EXOC6B: variants seen among roughly 807,000 people sequenced by gnomAD.
EXOC6B encodes SEC15 homolog B.
A neutral mutation model predicts 113.5 loss-of-function variants in EXOC6B; 54 were observed. The ratio of observed to expected loss-of-function variants is 0.48; its 90% confidence interval spans 0.38 to 0.60. The LOEUF is 0.60. Among genes scored for constraint, EXOC6B ranks in the 20% least tolerant of loss-of-function variants. The pLI, the probability that EXOC6B is intolerant of heterozygous loss-of-function variation, is 0.00. For synonymous variants in EXOC6B, 357 were observed against 339.0 expected (o/e 1.05, Z -0.58); for missense variants, 797 against 977.5 (o/e 0.82, Z 2.46).
rs147596387 is a variant in EXOC6B, at chr2:72,773,100, G to A, written c.114-31631C>T. On this transcript the variant is annotated intron_variant, in intron 1 of 21. Coordinates refer to ENST00000272427, the MANE Select transcript of EXOC6B (RefSeq NM_015189.3). ...ATATTGTATAATTTAAATTTGCTAA[G>A]ACAGTAGACCTTAGATTTTCTTTTT... is the stretch of plus-strand genomic sequence containing the variant. Among the ~76,000 whole-genome samples, 18 of 143,604 alleles carry A rather than the reference G, an allele frequency of 1.3e-4. No individual in the cohort carries two copies. The East Asian group carries it at 3.4e-3, about 27-fold the overall frequency. 94.2% of individuals were successfully genotyped at this position (143,604 alleles called of 152,430 possible). A position where few individuals can be genotyped will look rare whatever the true frequency, so the allele number is the denominator to read the frequency against.
At chr2:72,646,538 T>A (rs1420432439) in intron 6 of EXOC6B, among the ~76,000 whole-genome samples, 1 of 152,214 alleles carries the variant, frequency 6.6e-6, no homozygotes, top group Non-Finnish European at 1.5e-5. Flanking sequence ...TGAACATCGA[T>A]GCGAAAATCC....
intron 20 of EXOC6B, among the ~76,000 whole-genome samples, chr2:72,237,526 G>C (rs1471719278): frequency 3.3e-5 from 5 of 152,084 alleles, no homozygotes; most frequent in African/African-American, 1.2e-4. Context: ...AAAGAAAACT[G>C]ACTATAAATG....
chr2:72,553,898 A>G (rs1703383953), intron 8 of EXOC6B, among the ~76,000 whole-genome samples: 1 of 152,194 alleles, frequency 6.6e-6, no homozygotes, highest in Non-Finnish European at 1.5e-5. Context: ...TATTGGAGCA[A>G]CATGAATTCT....
intron 14 of EXOC6B, 133 bp downstream of exon 14, chr2:72,496,321 A>C (rs904275754): frequency 1.7e-6 from 1 of 577,084 alleles, no homozygotes; most frequent in Non-Finnish European, 3.1e-6. Flanking sequence ...AAAAGAAAAA[A>C]GAATCCTTTG....
At chr2:72,730,135 G>GA (rs1265718306) in intron 5 of EXOC6B, among the ~76,000 whole-genome samples, 1 of 152,054 alleles carries the variant, frequency 6.6e-6, no homozygotes, top group Non-Finnish European at 1.5e-5. Context: ...TCCTTTAGAA[G>GA]AAAACAACAT....
chr2:72,345,881 C>T (rs971347134), intron 19 of EXOC6B, among the ~76,000 whole-genome samples: 1 of 152,080 alleles, frequency 6.6e-6, no homozygotes, highest in African/African-American at 2.4e-5. Context: ...ATAAATGTGC[C>T]ACTCTCGTGC....
At chr2:72,483,470 A>G (rs1270833684) in intron 16 of EXOC6B, among the ~76,000 whole-genome samples, 3 of 152,164 alleles carry the variant, frequency 2.0e-5, no homozygotes, top group Non-Finnish European at 4.4e-5. Flanking sequence ...CAGTTAAAGA[A>G]AAAAAAGGGA....
chr2:72,716,764 G>C (rs1007905332), intron 6 of EXOC6B, among the ~76,000 whole-genome samples: 3 of 152,004 alleles, frequency 2.0e-5, no homozygotes, highest in Non-Finnish European at 4.4e-5. Context: ...AGACCAGCTG[G>C]CCTCACGTTA....
chr2:72,486,124 C>T (rs1025479825), intron 16 of EXOC6B, among the ~76,000 whole-genome samples: 1 of 152,054 alleles, frequency 6.6e-6, no homozygotes, highest in Non-Finnish European at 1.5e-5. Flanking sequence ...AATCCCAGCA[C>T]TTTGGGAGGC....
chr2:72,307,193 G>T (rs1381957966), intron 20 of EXOC6B, among the ~76,000 whole-genome samples: 1 of 101,680 alleles, frequency 9.8e-6, no homozygotes, highest in African/African-American at 1.2e-4. Context: ...GTCTTGCTCT[G>T]TCGCCAGGCT....
intron 1 of EXOC6B, among the ~76,000 whole-genome samples, chr2:72,803,105 T>A (rs752769873): frequency 6.6e-6 from 1 of 152,114 alleles, no homozygotes; most frequent in Admixed American, 6.5e-5. Flanking sequence ...CTGATAAACT[T>A]TGGGGGATAA....
At chr2:72,198,939 C>G (rs1475047677) in intron 20 of EXOC6B, among the ~76,000 whole-genome samples, 1 of 152,152 alleles carries the variant, frequency 6.6e-6, no homozygotes, top group Admixed American at 6.5e-5. Flanking sequence ...GTGACAAGGG[C>G]TGGTTGAATC....
At chr2:72,273,410 A>C (rs1389557634) in intron 20 of EXOC6B, among the ~76,000 whole-genome samples, 3 of 152,176 alleles carry the variant, frequency 2.0e-5, no homozygotes, top group African/African-American at 7.2e-5. Flanking sequence ...TCTCTATCTT[A>C]AATAGTTCAC....
intron 20 of EXOC6B, among the ~76,000 whole-genome samples, chr2:72,209,793 C>T (rs1331176345): frequency 2.0e-5 from 3 of 152,274 alleles, no homozygotes; most frequent in Admixed American, 1.3e-4. Flanking sequence ...TGTAACTCAT[C>T]CTGCGTGTGT....
intron 21 of EXOC6B, among the ~76,000 whole-genome samples, chr2:72,179,794 G>A (rs948590692): frequency 3.3e-5 from 5 of 152,142 alleles, no homozygotes; most frequent in Admixed American, 2.0e-4. Flanking sequence ...ACAGGGAACA[G>A]CTCTGCTGGT....
chr2:72,406,178 T>C (rs1257352412), intron 18 of EXOC6B, among the ~76,000 whole-genome samples: 2 of 152,120 alleles, frequency 1.3e-5, no homozygotes, highest in Non-Finnish European at 2.9e-5. Context: ...ATGCACCCAA[T>C]ACAGGAGCAC....
intron 18 of EXOC6B, among the ~76,000 whole-genome samples, chr2:72,444,276 T>C (rs1179368280): frequency 1.3e-5 from 2 of 152,202 alleles, no homozygotes; most frequent in African/African-American, 4.8e-5. Flanking sequence ...AGGATTCCCA[T>C]TATCTTAGGC....
chr2:72,563,247 A>C (rs1225568219), intron 7 of EXOC6B, among the ~76,000 whole-genome samples: 2 of 152,158 alleles, frequency 1.3e-5, no homozygotes, highest in Non-Finnish European at 2.9e-5. Context: ...CTATAAATAC[A>C]CATTCACAAT....
At chr2:72,470,206 T>C (rs1698309954) in intron 17 of EXOC6B, among the ~76,000 whole-genome samples, 1 of 152,168 alleles carries the variant, frequency 6.6e-6, no homozygotes, top group South Asian at 2.1e-4. Context: ...TCTTCTGATA[T>C]ATAAGTATGG....
Sources: gnomAD v4.1 joint callset for allele counts (sites outside exome capture counted in the v4.1 genomes callset) on GRCh38, gnomAD v4.1.1 for gene constraint, MANE v1.5 for transcripts, NCBI Gene and HGNC (gene_info 2026-07-23, HGNC 2026-07-21) for gene names.